Variants in TAB2 observed in about 807,000 individuals in gnomAD.
TAB2 encodes the protein TGF-beta activated kinase 1 (MAP3K7) binding protein 2.
A neutral mutation model predicts 65.0 loss-of-function variants in TAB2; 3 were observed. That is an observed-to-expected ratio of 0.05 (90% CI 0.02 to 0.12). TAB2 has a LOEUF of 0.12. Among genes scored for constraint, TAB2 ranks in the 10% least tolerant of loss-of-function variants. TAB2 has a pLI of 1.00. For synonymous variants in TAB2, 298 were observed against 285.1 expected (o/e 1.05, Z -0.46); for missense variants, 623 against 840.3 (o/e 0.74, Z 3.20).
At chr6:149,326,447 C>G (rs1476481261) in intron 1 of TAB2, among the ~76,000 whole-genome samples, 1 of 151,954 alleles carries the variant, frequency 6.6e-6, no homozygotes, top group Non-Finnish European at 1.5e-5. Context: ...ACCAGAAGCA[C>G]AAATAGGAGA....
intron 1 of TAB2, among the ~76,000 whole-genome samples, chr6:149,278,923 A>C (rs1179564627): frequency 6.6e-6 from 1 of 152,164 alleles, no homozygotes; most frequent in Non-Finnish European, 1.5e-5. Flanking sequence ...ACAATATAAA[A>C]ATAAAGAATG....
At chr6:149,292,977 T>C (rs955680421) in intron 1 of TAB2, among the ~76,000 whole-genome samples, 1 of 152,242 alleles carries the variant, frequency 6.6e-6, no homozygotes, top group African/African-American at 2.4e-5. Context: ...TTTTTCCAGG[T>C]ACGTATCTTC....
chr6:149,276,746 G>A (rs78704277), intron 1 of TAB2, among the ~76,000 whole-genome samples: 2,051 of 152,232 alleles, frequency 0.013, 56 homozygotes, highest in African/African-American at 0.047. Flanking sequence ...CAATGGAGGC[G>A]ATCTGGCAAA....
intron 6 of TAB2, among the ~76,000 whole-genome samples, chr6:149,405,205 C>A (rs1180505680): frequency 6.6e-6 from 1 of 152,062 alleles, no homozygotes; most frequent in Admixed American, 6.6e-5. Context: ...AAATTAAAAC[C>A]CAGTGAGATA....
In TAB2 at chr6:149,375,092, T is replaced by C. The variant is rs182193963; in HGVS notation, c.103-2926T>C. ...AGGTATGATCATGGCATTGTGGTTA[T>C]GTTTTTAAGTCCTGTCTCTTACAGT... On this transcript the variant is annotated intron_variant, in intron 2 of 6. Transcript: ENST00000637181. Among the ~76,000 whole-genome samples the C allele has an allele frequency of 7.2e-5, 11 of 152,332 alleles. No individual in the cohort carries two copies. In the East Asian group the frequency reaches 1.9e-3, roughly 27 times the overall value.
At chr6:149,218,919 T>C in intron 1 of TAB2, 2 of 305,374 alleles carry the variant, frequency 6.5e-6, no homozygotes, top group South Asian at 5.4e-5. Context: ...TAAAATGCCA[T>C]TGAAATCTGT....
chr6:149,331,039 T>C (rs1779768711), intron 1 of TAB2, among the ~76,000 whole-genome samples: 1 of 152,148 alleles, frequency 6.6e-6, no homozygotes, highest in African/African-American at 2.4e-5. Flanking sequence ...TAGTAAGTCT[T>C]AAAATTAGAT....
chr6:149,241,192 G>T (rs1777590983), intron 1 of TAB2, among the ~76,000 whole-genome samples: 1 of 152,156 alleles, frequency 6.6e-6, no homozygotes, highest in African/African-American at 2.4e-5. Context: ...GAACTGGGAG[G>T]AATAAATGAC....
At chr6:149,306,356 C>T (rs1380997981) in intron 1 of TAB2, among the ~76,000 whole-genome samples, 17 of 152,014 alleles carry the variant, frequency 1.1e-4, no homozygotes, top group East Asian at 3.9e-4. Context: ...CTGGCTAACA[C>T]GGTGAAACCC....
At chr6:149,358,298 A>T (rs1270545102) in intron 1 of TAB2, among the ~76,000 whole-genome samples, 1 of 152,072 alleles carries the variant, frequency 6.6e-6, no homozygotes, top group Non-Finnish European at 1.5e-5. Flanking sequence ...CATAGCCTGA[A>T]GGTAATTTTA....
rs528561278 is a variant in TAB2 at position 149,312,534 on chromosome 6, T to G, written c.-120-65484T>G. On this transcript the variant is annotated intron_variant, in intron 1 of 1. Coordinates refer to the TAB2 transcript ENST00000606202. Reference sequence around the variant, plus strand: ...TGTGCCACCACGCCCGACTAATTTTTGTACTTTTAGTAGAGATGGCGTTTC... The same window carrying G: ...TGTGCCACCACGCCCGACTAATTTTGGTACTTTTAGTAGAGATGGCGTTTC... 2.0e-5 allele frequency among the ~76,000 whole-genome samples: 3 copies of G among 152,330 alleles called. No individual in the cohort carries two copies. The South Asian group carries it at 6.2e-4, about 32-fold the overall frequency.
chr6:149,253,934 GAA>G (rs1409015008), intron 1 of TAB2, among the ~76,000 whole-genome samples: 2 of 122,826 alleles, frequency 1.6e-5, no homozygotes, highest in East Asian at 4.6e-4. Flanking sequence ...AAGAAAGAAA[GAA>G]AGAAAGAGAA....
intron 1 of TAB2, among the ~76,000 whole-genome samples, chr6:149,319,393 G>A (rs181750195): frequency 4.2e-4 from 64 of 152,276 alleles, no homozygotes; most frequent in African/African-American, 1.5e-3. Flanking sequence ...TTGAAACCAT[G>A]GCAGTTTGTA....
At chr6:149,384,833 A>G (rs1781736748) in intron 3 of TAB2, among the ~76,000 whole-genome samples, 1 of 152,178 alleles carries the variant, frequency 6.6e-6, no homozygotes, top group Non-Finnish European at 1.5e-5. Flanking sequence ...AAAAAGGCCT[A>G]CTTTCTTATT....
intron 3 of TAB2, 84 bp from the exon 4 acceptor site, chr6:149,397,520 A>G: frequency 1.3e-6 from 2 of 1,488,400 alleles, no homozygotes; most frequent in East Asian, 2.3e-5. Flanking sequence ...ATTTCTGACA[A>G]ATTCTTGTTT....
At chr6:149,339,188 A>T (rs1026217344) in intron 1 of TAB2, among the ~76,000 whole-genome samples, 1 of 152,104 alleles carries the variant, frequency 6.6e-6, no homozygotes, top group Non-Finnish European at 1.5e-5. Context: ...ACATGGTGAA[A>T]CTTGGCTCTA....
upstream of TAB2, chr6:149,317,436 G>A: frequency 6.2e-6 from 1 of 162,090 alleles, no homozygotes; most frequent in Non-Finnish European, 1.3e-5. The surrounding 1 kb of genome is among the most constrained non-coding windows in gnomAD (Gnocchi z 4.7). Context: ...CGCCGCCGCC[G>A]CCTGCTGCTC....
At chr6:149,364,509 T>A (rs1330406850) in intron 1 of TAB2, among the ~76,000 whole-genome samples, 1 of 151,990 alleles carries the variant, frequency 6.6e-6, no homozygotes, top group Non-Finnish European at 1.5e-5. Context: ...ATGAGCAAGT[T>A]AAAATAGTTA....
intron 1 of TAB2, among the ~76,000 whole-genome samples, chr6:149,346,763 T>A (rs921738462): frequency 5.9e-5 from 9 of 152,152 alleles, no homozygotes. Context: ...TGGTGATACT[T>A]CTTATAACTT....
Sources: gnomAD v4.1 joint callset for allele counts (sites outside exome capture counted in the v4.1 genomes callset) on GRCh38, gnomAD v4.1.1 for gene constraint, Gnocchi (gnomAD v3.1) non-coding constraint, MANE v1.5 for transcripts, NCBI Gene and HGNC (gene_info 2026-07-23, HGNC 2026-07-21) for gene names.